The following CNTNAP5 variants were observed in gnomAD, a reference collection of about 807,000 sequenced individuals.
CNTNAP5 encodes contactin associated protein family member 5.
In CNTNAP5, 72 loss-of-function variants were observed where a neutral mutation model predicts 150.2. That is an observed-to-expected ratio of 0.48 (90% CI 0.40 to 0.58). The LOEUF is 0.58. CNTNAP5 is among the 20% of genes least tolerant of loss of function. The pLI is 0.00. For synonymous variants in CNTNAP5, 672 were observed against 619.8 expected, an observed-to-expected ratio of 1.08 and a Z score of -1.25; for missense variants, 1,636 against 1,626.2, an observed-to-expected ratio of 1.01 and a Z score of -0.10.
chr2:124,455,737 C>T (rs1693103560), intron 6 of CNTNAP5, among the ~76,000 whole-genome samples: 1 of 152,088 alleles, frequency 6.6e-6, no homozygotes, highest in African/African-American at 2.4e-5. Flanking sequence ...GGGATTCATA[C>T]CAGGGATGCA....
rs1388590607 is a variant in CNTNAP5, at chr2:124,883,077, T to C, written c.3436+13315T>C. On this transcript the variant is annotated intron_variant, in intron 21 of 23. Transcript: ENST00000682447. Reference sequence around the variant, plus strand: ...ATATATATCATCCATTCTCTTTTTTTTTTTTTTTTTTGAGACTATCTCCTT... The same window carrying C: ...ATATATATCATCCATTCTCTTTTTTCTTTTTTTTTTTGAGACTATCTCCTT... 2.0e-5 allele frequency among the ~76,000 whole-genome samples: 3 copies of C among 149,908 alleles called. No individual in the cohort carries two copies. In the Admixed American group the frequency reaches 2.0e-4, roughly 10 times the overall value.
At chr2:124,498,648 A>C (rs1394144) in intron 7 of CNTNAP5, among the ~76,000 whole-genome samples, 129,393 of 152,176 alleles carry the variant, frequency 0.85, 55,171 homozygotes, top group East Asian at 1. Context: ...TTGCTCACTT[A>C]CTTTTTATTT....
intron 10 of CNTNAP5, among the ~76,000 whole-genome samples, chr2:124,559,852 C>T (rs1695846916): frequency 6.6e-6 from 1 of 152,132 alleles, no homozygotes; most frequent in African/African-American, 2.4e-5. Flanking sequence ...TTTTTCTAAT[C>T]ACAGTGTGCA....
chr2:124,328,672 TAA>T (rs1194120358), intron 3 of CNTNAP5, among the ~76,000 whole-genome samples: 1 of 152,206 alleles, frequency 6.6e-6, no homozygotes, highest in Non-Finnish European at 1.5e-5. Flanking sequence ...TCTGGGAGAA[TAA>T]GTTTTTTTCT....
intron 3 of CNTNAP5, among the ~76,000 whole-genome samples, chr2:124,320,142 G>T (rs1460154959): frequency 6.6e-6 from 1 of 152,144 alleles, no homozygotes; most frequent in African/African-American, 2.4e-5. Context: ...CACCTTTACA[G>T]TTATATCCAT....
rs10641959 is a variant in CNTNAP5, at chr2:124,510,518, T to TATACACACACAC, written c.1327+5963_1327+5964insTACACACACACA. 2.8e-3 allele frequency among the ~76,000 whole-genome samples: 353 copies of TATACACACACAC among 124,856 alleles called. 9 individuals carry two copies. Among genetic ancestry groups the TATACACACACAC allele is most frequent in the African/African-American group, 9.3e-3 (293 of 31,340 alleles). 81.9% of individuals were successfully genotyped at this position (124,856 alleles called of 152,430 possible). ...ATATATATATATATATATATATATA[T>TATACACACACAC]ACATATATCTCCATATATCAACACA... On this transcript the variant is annotated intron_variant, in intron 8 of 23. Transcript: ENST00000682447.
chr2:124,711,545 C>CT (rs1226203596), intron 13 of CNTNAP5, among the ~76,000 whole-genome samples: 1 of 152,082 alleles, frequency 6.6e-6, no homozygotes, highest in African/African-American at 2.4e-5. Flanking sequence ...GGCAACATGG[C>CT]TTAAGCGATA....
At chr2:124,845,025 G>A (rs996084012) in intron 19 of CNTNAP5, among the ~76,000 whole-genome samples, 2 of 152,078 alleles carry the variant, frequency 1.3e-5, no homozygotes, top group African/African-American at 4.8e-5. Context: ...TTAAATAGAA[G>A]TGGTAAAAGT....
intron 3 of CNTNAP5, among the ~76,000 whole-genome samples, chr2:124,340,644 G>C (rs1436987396): frequency 6.6e-6 from 1 of 151,720 alleles, no homozygotes; most frequent in Non-Finnish European, 1.5e-5. Context: ...AACAGATAAA[G>C]TCCAGGCTCA....
intron 1 of CNTNAP5, among the ~76,000 whole-genome samples, chr2:124,211,196 A>T (rs910097304): frequency 5.9e-5 from 9 of 152,220 alleles, no homozygotes; most frequent in African/African-American, 2.2e-4. Flanking sequence ...TGTGGATGGA[A>T]ATATGTAGTA....
intron 19 of CNTNAP5, among the ~76,000 whole-genome samples, chr2:124,799,763 G>T (rs1681927106): frequency 6.6e-6 from 1 of 152,198 alleles, no homozygotes; most frequent in African/African-American, 2.4e-5. Flanking sequence ...ATCAAATGCT[G>T]AATCAGGCAT....
chr2:124,470,895 T>C (rs1467373333), intron 6 of CNTNAP5, among the ~76,000 whole-genome samples: 1 of 152,134 alleles, frequency 6.6e-6, no homozygotes, highest in Non-Finnish European at 1.5e-5. Context: ...TGGTCTTACT[T>C]CTGGACTCTC....
At chr2:124,588,696 T>C (rs1435947675) in intron 11 of CNTNAP5, among the ~76,000 whole-genome samples, 2 of 152,152 alleles carry the variant, frequency 1.3e-5, no homozygotes, top group Non-Finnish European at 2.9e-5. Context: ...GACGTCAATG[T>C]AATAAGAATG....
At chr2:124,456,535 C>T (rs1693122894) in intron 6 of CNTNAP5, among the ~76,000 whole-genome samples, 1 of 152,104 alleles carries the variant, frequency 6.6e-6, no homozygotes, top group Non-Finnish European at 1.5e-5. Flanking sequence ...ATCAAAATAC[C>T]ACCATCATTC....
chr2:124,367,387 A>G (rs1475164993), intron 3 of CNTNAP5, among the ~76,000 whole-genome samples: 1 of 152,214 alleles, frequency 6.6e-6, no homozygotes, highest in Non-Finnish European at 1.5e-5. Context: ...CCTTCTTCAC[A>G]TGGAAGCAGT....
chr2:124,121,508 T>C (rs544668047), intron 1 of CNTNAP5, among the ~76,000 whole-genome samples: 32 of 152,322 alleles, frequency 2.1e-4, no homozygotes, highest in Middle Eastern at 3.4e-3. Flanking sequence ...GCATGATTGG[T>C]GTGTCTGCAC....
intron 19 of CNTNAP5, among the ~76,000 whole-genome samples, chr2:124,802,779 C>T (rs547528423): frequency 5.3e-5 from 8 of 152,224 alleles, no homozygotes; most frequent in African/African-American, 1.9e-4. Flanking sequence ...CAGATACTAG[C>T]TCATGTACTG....
Position 124,713,217 on chromosome 2 carries a change from CTGTT to C in CNTNAP5, c.2078-34010_2078-34007del, listed in dbSNP as rs879693542. Among the ~76,000 whole-genome samples, 759 of 111,406 alleles carry C rather than the reference CTGTT, an allele frequency of 6.8e-3. 49 individuals are homozygous for C. The highest frequency in any genetic ancestry group is 0.018 in the African/African-American group (532 of 29,666). 73.1% of individuals were successfully genotyped at this position (111,406 alleles called of 152,430 possible). A position where few individuals can be genotyped will look rare whatever the true frequency, so the allele number is the denominator to read the frequency against. On this transcript the variant is annotated intron_variant, in intron 13 of 23. Coordinates refer to ENST00000682447, the MANE Select transcript of CNTNAP5 (RefSeq NM_001367498.1). The stretch of plus-strand genomic sequence containing the variant: ...TTCCTCCCTCCCTTCCTTTCTTTCT[CTGTT>C]TCTTTCTTTCTTTCTTTCTTTCTCT...
At chr2:124,482,327 T>C (rs1693779083) in intron 7 of CNTNAP5, among the ~76,000 whole-genome samples, 1 of 152,158 alleles carries the variant, frequency 6.6e-6, no homozygotes, top group Non-Finnish European at 1.5e-5. Context: ...GCAGACATTA[T>C]TATCCACGTT....
Sources: gnomAD v4.1 joint callset for allele counts (sites outside exome capture counted in the v4.1 genomes callset) on GRCh38, gnomAD v4.1.1 for gene constraint, MANE v1.5 for transcripts, NCBI Gene and HGNC (gene_info 2026-07-23, HGNC 2026-07-21) for gene names.